The following HDAC9 variants were observed in gnomAD, a reference collection of about 807,000 sequenced individuals.
HDAC9 encodes histone deacetylase 9, also known as MEF-2 interacting transcription repressor (MITR) protein.
In HDAC9, 41 loss-of-function variants were observed where a neutral mutation model predicts 139.4. The observed-to-expected ratio is 0.29, with a 90% CI of 0.23 to 0.38. The LOEUF (loss-of-function observed/expected upper bound fraction) is 0.38. HDAC9 is among the 10% of genes least tolerant of loss of function. HDAC9 has a pLI of 1.00. For synonymous variants in HDAC9, 517 were observed against 476.2 expected (o/e 1.09, Z -1.12); for missense variants, 1,147 against 1,297.0 (o/e 0.88, Z 1.78).
At chr7:18,135,648 C>T (rs1213850117) in intron 1 of HDAC9, among the ~76,000 whole-genome samples, 4 of 138,538 alleles carry the variant, frequency 2.9e-5, no homozygotes, top group Non-Finnish European at 6.1e-5. Flanking sequence ...TTTTTTATGG[C>T]TGCATAGTAT....
In HDAC9 at chr7:18,771,357, T is replaced by C. The variant is rs62446607; in HGVS notation, c.2214+4202T>C. Among the ~76,000 whole-genome samples, 316 of 152,226 alleles carry C rather than the reference T, an allele frequency of 2.1e-3. 1 individual carries two copies. The highest frequency in any genetic ancestry group is 3.3e-3 in the Non-Finnish European group (225 of 68,008). On this transcript the variant is annotated intron_variant, in intron 16 of 25. Coordinates refer to ENST00000686413, the MANE Select transcript of HDAC9 (RefSeq NM_178425.4). ...GATGGGGAGAAGGATTAGGTGATTA[T>C]GAGAGGGTAGTAATTTAAGGCCCAT...
At chr7:18,649,646 C>T (rs1327739254) in intron 11 of HDAC9, among the ~76,000 whole-genome samples, 1 of 152,112 alleles carries the variant, frequency 6.6e-6, no homozygotes, top group Non-Finnish European at 1.5e-5. Flanking sequence ...ACAAAATAAA[C>T]TCTCATGGGC....
At chr7:18,650,942 G>A (rs1466240694) in intron 11 of HDAC9, among the ~76,000 whole-genome samples, 1 of 152,106 alleles carries the variant, frequency 6.6e-6, no homozygotes, top group African/African-American at 2.4e-5. Flanking sequence ...TTCACGTTGG[G>A]TATTCTCCAG....
intron 24 of HDAC9, among the ~76,000 whole-genome samples, chr7:18,956,229 C>G (rs937668619): frequency 6.6e-6 from 1 of 152,066 alleles, no homozygotes; most frequent in African/African-American, 2.4e-5. Context: ...TCCTTCTAAA[C>G]TCTTAATGAG....
intron 1 of HDAC9, among the ~76,000 whole-genome samples, chr7:18,476,349 A>T (rs1795111282): frequency 2.0e-5 from 3 of 152,206 alleles, no homozygotes. Flanking sequence ...AAGGGACAAT[A>T]TCCTCATGAC....
rs564796880 is a variant in HDAC9, at chr7:18,466,620, TTTAAGGACAATGTGATTACC to T, written c.-41-29639_-41-29620del. Among the ~76,000 whole-genome samples the T allele has an allele frequency of 1.8e-4, 28 of 152,338 alleles. 1 individual carries two copies. In the East Asian group the frequency reaches 5.4e-3, roughly 29 times the overall value. On this transcript the variant is annotated intron_variant, in intron 1 of 3. Coordinates refer to the HDAC9 transcript ENST00000413509. ...GACTCCTCTGACTTCCTCTCCTACT[TTTAAGGACAATGTGATTACC>T]TTGGGCTCACCCAAATAATCCAGGA...
chr7:18,394,017 A>T (rs1786792003), intron 1 of HDAC9, among the ~76,000 whole-genome samples: 3 of 152,160 alleles, frequency 2.0e-5, no homozygotes, highest in African/African-American at 7.2e-5. Flanking sequence ...TTAAAGCTAG[A>T]CTTTTTTGGT....
intron 11 of HDAC9, among the ~76,000 whole-genome samples, chr7:18,665,780 C>A (rs566026582): frequency 6.6e-6 from 1 of 152,076 alleles, no homozygotes; most frequent in Non-Finnish European, 1.5e-5. Flanking sequence ...GCTTTCATAG[C>A]GTTTAACATT....
chr7:18,296,754 C>CG (rs1167549919), intron 1 of HDAC9, among the ~76,000 whole-genome samples: 1 of 152,014 alleles, frequency 6.6e-6, no homozygotes, highest in Non-Finnish European at 1.5e-5. Context: ...GCACCAAGCG[C>CG]GGGGGCAGTG....
intron 12 of HDAC9, among the ~76,000 whole-genome samples, chr7:18,716,205 A>ATGC (rs1784687846): frequency 6.6e-6 from 1 of 152,182 alleles, no homozygotes; most frequent in Non-Finnish European, 1.5e-5. Context: ...CAGACAAGGG[A>ATGC]TGCTAATCTA....
chr7:18,334,769 C>G (rs151226602), intron 1 of HDAC9, among the ~76,000 whole-genome samples: 1 of 151,488 alleles, frequency 6.6e-6, no homozygotes. Context: ...GTTAGCACCA[C>G]AGAGGAAGTT....
rs146373832 is a variant in HDAC9 at position 18,419,931 on chromosome 7, G to A, written c.-41-76331G>A. Among the ~76,000 whole-genome samples, 800 of 152,226 alleles carry A rather than the reference G, an allele frequency of 5.3e-3. 11 individuals carry two copies. Among genetic ancestry groups the A allele is most frequent in the Non-Finnish European group, 9.5e-3 (643 of 68,008 alleles). On this transcript the variant is annotated intron_variant, in intron 1 of 3. Coordinates refer to the HDAC9 transcript ENST00000413509. ...ATTGGGAAGAGTGCAGCTTTCCAGC[G>A]ATGGTAGCCCATGAATCTCGGAGGC...
intron 10 of HDAC9, 31 bp from the exon 11 acceptor site, chr7:18,648,435 T>A: frequency 5.5e-6 from 8 of 1,457,182 alleles, no homozygotes; most frequent in South Asian, 2.3e-5. Flanking sequence ...TGTGTGTGTA[T>A]ACACACATAT....
At chr7:18,902,929 G>A (rs1448298586) in intron 22 of HDAC9, among the ~76,000 whole-genome samples, 1 of 152,138 alleles carries the variant, frequency 6.6e-6, no homozygotes, top group South Asian at 2.1e-4. Flanking sequence ...TATAGTAATA[G>A]TATTTATTTA....
At chr7:18,454,429 A>G (rs1382672025) in intron 1 of HDAC9, among the ~76,000 whole-genome samples, 3 of 152,018 alleles carry the variant, frequency 2.0e-5, no homozygotes, top group African/African-American at 4.8e-5. Context: ...TTCACTTCCT[A>G]TGTAAGGCTA....
chr7:18,515,235 A>G (rs2128199179), intron 2 of HDAC9, among the ~76,000 whole-genome samples: 1 of 152,294 alleles, frequency 6.6e-6, no homozygotes, highest in East Asian at 1.9e-4. Context: ...CCTCATTCCA[A>G]TCTTTTGAAA....
chr7:18,859,861 T>A lies in HDAC9; in HGVS notation c.2685-14617T>A, dbSNP rs1378216341. ...ATATATATATATATATATATATATG[T>A]GAGAGAATGAGAGAGAGAGAAATAT... On this transcript the variant is annotated intron_variant, in intron 21 of 25. Coordinates refer to ENST00000686413, the MANE Select transcript of HDAC9 (RefSeq NM_178425.4). Among the ~76,000 whole-genome samples the A allele has an allele frequency of 3.8e-4, 45 of 119,430 alleles. No individual in the cohort carries two copies. The East Asian group carries it at 4.9e-3, about 13-fold the overall frequency. 78.4% of individuals were successfully genotyped at this position (119,430 alleles called of 152,430 possible).
Position 18,411,816 on chromosome 7 carries a change from G to GTTTTTTTTT in HDAC9, c.-41-84446_-41-84445insTTTTTTTTT, listed in dbSNP as rs1280818174. ...GGTGTACTAAATGTAATTTCAACTT[G>GTTTTTTTTT]CTTTTTTTTTTTTTTTTTTTTTTTT... On this transcript the variant is annotated intron_variant, in intron 1 of 3. Transcript: ENST00000413509. Among the ~76,000 whole-genome samples, 9 of 89,422 alleles carry GTTTTTTTTT rather than the reference G, an allele frequency of 1.0e-4. 1 individual carries two copies. The highest frequency in any genetic ancestry group is 5.7e-4 in the Admixed American group (4 of 7,068). The allele number at this position is 89,422 out of a possible 152,430, so 58.7% of individuals were successfully genotyped here.
intron 1 of HDAC9, among the ~76,000 whole-genome samples, chr7:18,462,000 C>T (rs1370346580): frequency 2.0e-5 from 3 of 151,936 alleles, no homozygotes; most frequent in Non-Finnish European, 4.4e-5. Flanking sequence ...GTCGTGATCA[C>T]TAAATTAGTA....
Sources: allele counts gnomAD v4.1 joint callset (sites outside exome capture counted in the v4.1 genomes callset), GRCh38; gene constraint gnomAD v4.1.1; transcripts MANE v1.5; gene names NCBI Gene and HGNC (gene_info 2026-07-23, HGNC 2026-07-21).